The following DNAH5 variants were observed in gnomAD, a reference collection of about 807,000 sequenced individuals.
DNAH5 encodes the protein dynein axonemal heavy chain 5.
Under a neutral mutation model 518.2 loss-of-function variants are expected in DNAH5, and 372 were observed. The ratio of observed to expected loss-of-function variants is 0.72; its 90% confidence interval spans 0.66 to 0.78. The LOEUF (loss-of-function observed/expected upper bound fraction) is 0.78. Ranked by LOEUF, DNAH5 falls within the 30% of genes least tolerant of loss-of-function variation. The pLI, the probability that DNAH5 is intolerant of heterozygous loss-of-function variation, is 0.00. For missense variants in DNAH5, 5,523 were observed against 5,687.0 expected (o/e 0.97, Z 0.93); for synonymous variants, 2,039 against 2,025.9 (o/e 1.01, Z -0.17).
chr5:14,008,488 G>A (rs1472701711), intron 1 of DNAH5, among the ~76,000 whole-genome samples: 1 of 152,096 alleles, frequency 6.6e-6, no homozygotes, highest in Admixed American at 6.5e-5. Flanking sequence ...GCAGGGCTTG[G>A]TAGCAGGTGC....
intron 65 of DNAH5, among the ~76,000 whole-genome samples, chr5:13,747,648 C>T (rs552416281): frequency 6.6e-6 from 1 of 152,310 alleles, no homozygotes; most frequent in African/African-American, 2.4e-5. Flanking sequence ...TGATGATGAG[C>T]ATTTTTTCAT....
At chr5:13,980,679 A>G (rs1184189557) in intron 1 of DNAH5, among the ~76,000 whole-genome samples, 1 of 151,838 alleles carries the variant, frequency 6.6e-6, no homozygotes, top group East Asian at 1.9e-4. Context: ...GTAGCACCCA[A>G]ATGGTTCTAT....
intron 2 of DNAH5, among the ~76,000 whole-genome samples, chr5:13,930,047 G>A (rs200923457): frequency 6.6e-6 from 1 of 152,192 alleles, no homozygotes; most frequent in East Asian, 1.9e-4. Flanking sequence ...TTCAATAAGT[G>A]TCAGCTATGA....
At chr5:13,828,495 C>T (rs1296043364) in intron 38 of DNAH5, among the ~76,000 whole-genome samples, 1 of 152,152 alleles carries the variant, frequency 6.6e-6, no homozygotes, top group Non-Finnish European at 1.5e-5. Context: ...TAGGCAGGAC[C>T]TGTGATTTGC....
intron 1 of DNAH5, among the ~76,000 whole-genome samples, chr5:13,961,692 C>T (rs940156323): frequency 1.3e-5 from 2 of 152,086 alleles, no homozygotes; most frequent in African/African-American, 4.8e-5. Context: ...TAAAGTGACT[C>T]GTCCAAAGCC....
At chr5:14,002,428 A>T (rs972140355) in intron 1 of DNAH5, among the ~76,000 whole-genome samples, 1 of 152,180 alleles carries the variant, frequency 6.6e-6, no homozygotes, top group Non-Finnish European at 1.5e-5. Flanking sequence ...ATATCAAAAA[A>T]TTGGAAAAAT....
intron 1 of DNAH5, 46 bp from the exon 2 acceptor site, chr5:13,931,290 A>T: frequency 6.2e-7 from 1 of 1,611,590 alleles, no homozygotes; most frequent in East Asian, 2.2e-5. Flanking sequence ...GCTGTTCTCA[A>T]GTGGATTCAT....
rs968686956 is a variant in DNAH5 at position 13,690,581 on chromosome 5, C to T, written c.*1403G>A. ...AGAATGAAGCCCAGTGAGAGGGACC[C>T]ACACTTGTCTCCCGGTATCCACCTA... On this transcript the variant is annotated 3_prime_UTR_variant, in exon 79 of 79. Coordinates refer to ENST00000265104, the MANE Select transcript of DNAH5 (RefSeq NM_001369.3). 1 of 152,142 alleles carries T rather than the reference C, an allele frequency of 6.6e-6. No individual in the cohort carries two copies. The highest frequency in any genetic ancestry group is 1.5e-5 in the Non-Finnish European group (1 of 68,016). The allele number at this position is 152,142 out of a possible 1,614,324, so 9.4% of individuals were successfully genotyped here.
intron 35 of DNAH5, among the ~76,000 whole-genome samples, chr5:13,833,844 T>A (rs1764015155): frequency 6.6e-6 from 1 of 152,252 alleles, no homozygotes; most frequent in Non-Finnish European, 1.5e-5. Context: ...AGAAAAGTGC[T>A]GTATGTTATC....
At chr5:13,698,943 C>T (rs1364192264) in intron 78 of DNAH5, among the ~76,000 whole-genome samples, 2 of 152,138 alleles carry the variant, frequency 1.3e-5, no homozygotes, top group African/African-American at 4.8e-5. Context: ...TTCACAAATA[C>T]AAATCTGTGA....
Position 13,754,503 on chromosome 5 carries a change from T to G in DNAH5, c.10420-165A>C, listed in dbSNP as rs572849362. Among the ~76,000 whole-genome samples the G allele has an allele frequency of 9.9e-5, 15 of 152,226 alleles. No homozygotes were observed. In the South Asian group the frequency reaches 2.9e-3, roughly 29 times the overall value. On this transcript the variant is annotated intron_variant, in intron 61 of 78. Coordinates refer to ENST00000265104, the MANE Select transcript of DNAH5 (RefSeq NM_001369.3). ...TATTTCCATGTGTCTGTCAGCCCAG[T>G]CCTCTCTCCTTTGCCCTGTCCTCTC...
intron 1 of DNAH5, among the ~76,000 whole-genome samples, chr5:13,977,001 C>A (rs1782310037): frequency 6.6e-6 from 1 of 152,136 alleles, no homozygotes; most frequent in Non-Finnish European, 1.5e-5. Context: ...AATTCCCTAA[C>A]CTTGAACGGT....
At position 13,801,261 on chromosome 5, in the gene DNAH5, T is replaced by C. The variant is rs374920195; in HGVS notation, c.7887+6330A>G. ...CTCACGAGATCTGGTTGCTTAAAGGTGTGTAGCACCTCCACCTTTGCTCTC... is the reference window on the plus strand; with the variant it reads ...CTCACGAGATCTGGTTGCTTAAAGGCGTGTAGCACCTCCACCTTTGCTCTC... On this transcript the variant is annotated intron_variant, in intron 47 of 78. Coordinates refer to ENST00000265104, the MANE Select transcript of DNAH5 (RefSeq NM_001369.3). 1.2e-3 allele frequency among the ~76,000 whole-genome samples: 179 copies of C among 152,244 alleles called. 2 individuals carry two copies. The highest frequency in any genetic ancestry group is 4.0e-3 in the African/African-American group (168 of 41,552).
intron 65 of DNAH5, among the ~76,000 whole-genome samples, chr5:13,739,284 G>A (rs898291751): frequency 1.3e-5 from 2 of 152,162 alleles, no homozygotes; most frequent in Admixed American, 1.3e-4. Context: ...ATGGGGTCAT[G>A]AGGGCAGTTT....
chr5:13,829,601 T>G lies in DNAH5; in HGVS notation c.6353A>C (p.Lys2118Thr). 1 of 1,614,178 alleles carries G rather than the reference T, an allele frequency of 6.2e-7. No individual in the cohort carries two copies. The highest frequency in any genetic ancestry group is 1.1e-5 in the South Asian group (1 of 91,084). ...VPDRQIIIRV[K>T]LASCGFIDNV... ...GTCAATGAAGCCACAACTAGCCAAC[T>G]TCACCCTTATGATAATCTGACGGTC... Residue 2118 changes from lysine (K) to threonine (T), a missense_variant, in exon 38 of 79, where the codon AAG becomes ACG. Transcript: ENST00000265104.
intron 17 of DNAH5, among the ~76,000 whole-genome samples, chr5:13,888,811 G>A (rs955482645): frequency 6.6e-6 from 1 of 152,130 alleles, no homozygotes; most frequent in Non-Finnish European, 1.5e-5. Context: ...ATTTTGGGGA[G>A]GGAATAACAT....
chr5:13,913,326 T>C (rs1776248313), intron 11 of DNAH5, among the ~76,000 whole-genome samples: 1 of 152,090 alleles, frequency 6.6e-6, no homozygotes. Context: ...TATTTTTTAA[T>C]ATGGGTCCAA....
chr5:13,849,345 T>C (rs1465368359), intron 31 of DNAH5, among the ~76,000 whole-genome samples: 1 of 152,242 alleles, frequency 6.6e-6, no homozygotes, highest in Non-Finnish European at 1.5e-5. Context: ...GGTGATTCCA[T>C]TCCCTTAGTT....
At chr5:13,910,469 G>A (rs1775849669) in intron 12 of DNAH5, among the ~76,000 whole-genome samples, 1 of 152,218 alleles carries the variant, frequency 6.6e-6, no homozygotes, top group Non-Finnish European at 1.5e-5. Flanking sequence ...AGGTGTCTCA[G>A]AGCTCCTTTT....
Sources: allele counts gnomAD v4.1 joint callset (sites outside exome capture counted in the v4.1 genomes callset), GRCh38; gene constraint gnomAD v4.1.1; transcripts MANE v1.5; gene names NCBI Gene and HGNC (gene_info 2026-07-23, HGNC 2026-07-21).